The following ACAA1 variants were observed in gnomAD, a reference collection of about 807,000 sequenced individuals.
ACAA1 encodes acetyl-CoA acyltransferase 1.
A neutral mutation model predicts 48.8 loss-of-function variants in ACAA1; 44 were observed. The ratio of observed to expected loss-of-function variants is 0.90; its 90% CI spans 0.71 to 1.16. The LOEUF is 1.16. ACAA1 is among the 50% of genes most tolerant of loss of function. The pLI, the probability that ACAA1 is intolerant of heterozygous loss-of-function variation, is 0.00. For synonymous variants in ACAA1, 233 were observed against 226.5 expected (o/e 1.03, Z -0.26); for missense variants, 512 against 562.3 (o/e 0.91, Z 0.90).
intron 3 of ACAA1, chr3:38,133,361 C>T (rs1205566234): frequency 1.3e-5 from 2 of 152,394 alleles, no homozygotes. Flanking sequence ...TAAACCTCTC[C>T]CAGTTCCTAG....
Position 38,129,528 on chromosome 3 carries a change from G to A in ACAA1, c.447-140C>T. ...ACCAGTGGGCCTCTGGGAGTCACAG[G>A]CAGGGCACTTGGCCAGCAAGGCCCA... On this transcript the variant is annotated intron_variant, in intron 5 of 11. Coordinates refer to ENST00000333167, the MANE Select transcript of ACAA1 (RefSeq NM_001607.4). This position sits in a 1 kb window ranked among gnomAD's most constrained non-coding sequence, Gnocchi z 5.3. 1.5e-6 allele frequency: 1 copy of A among 666,290 alleles called. No homozygotes were observed. Among genetic ancestry groups the A allele is most frequent in the Non-Finnish European group, 2.6e-6 (1 of 391,782 alleles). 41.3% of individuals were successfully genotyped at this position (666,290 alleles called of 1,614,324 possible). A position where few individuals can be genotyped will look rare whatever the true frequency, so the allele number is the denominator to read the frequency against.
chr3:38,126,175 A>G lies in ACAA1; in HGVS notation c.984T>C (p.Ala328=). The G allele has an allele frequency of 1.2e-6, 2 of 1,612,526 alleles. No homozygotes were observed. The highest frequency in any genetic ancestry group is 1.7e-6 in the Non-Finnish European group (2 of 1,179,502). ...GAGCCACCTTACCTGCTTTTTGCAA[A>G]GCTACTGGGATGGCATAGGCAGGTC... ...GIGPAYAIPV[A]LQKAGLTVSD... Residue 328 remains alanine, a synonymous_variant, in exon 9 of 12, where the codon GCT becomes GCC. Transcript: ENST00000333167. This position sits in a 1 kb window ranked among gnomAD's most constrained non-coding sequence, Gnocchi z 4.7.
In ACAA1 at chr3:38,126,335, G is replaced by C; in HGVS notation, c.824C>G (p.Ser275Cys). 1.9e-6 allele frequency: 3 copies of C among 1,613,602 alleles called. No homozygotes were observed. Among genetic ancestry groups the C allele is most frequent in the Non-Finnish European group, 1.7e-6 (2 of 1,179,702 alleles). Residue 275 changes from serine (S) to cysteine (C), a missense_variant, in exon 9 of 12, where the codon TCT (serine) becomes TGT (cysteine). Physicochemically the swap from Ser to Cys is moderately radical, Grantham distance 112 (BLOSUM62 -1). Transcript: ENST00000333167. This position sits in a 1 kb window ranked among gnomAD's most constrained non-coding sequence, Gnocchi z 4.7. ...AGCTGCCCCATCACTCACCTGGCTA[G>C]AGTTTCCTAGGGGCAAACTGTTGGG... ...KKDGSTTAGNSSQVSDGAAAI... is the reference protein window; with the variant it reads ...KKDGSTTAGNCSQVSDGAAAI...
intron 2 of ACAA1, chr3:38,134,236 C>T (rs1700843290): frequency 1.0e-5 from 6 of 579,180 alleles, no homozygotes; most frequent in Admixed American, 6.3e-5. Context: ...CCCACGCTCA[C>T]TTGCCCATGC....
intron 11 of ACAA1, 43 bp downstream of exon 11, chr3:38,125,522 T>C: frequency 6.6e-7 from 1 of 1,509,190 alleles, no homozygotes. Flanking sequence ...TGCCCTAACT[T>C]GGATATCCCC....
chr3:38,136,600 A>G lies in ACAA1; in HGVS notation c.257T>C (p.Ile86Thr), dbSNP rs1166445919. The change falls in exon 2 of 12, where the codon ATC becomes ACC. Residue 86 changes from isoleucine (I) to threonine (T), a missense_variant. Ile to Thr is a moderately conservative substitution (Grantham distance 89). Coordinates refer to ENST00000333167, the MANE Select transcript of ACAA1 (RefSeq NM_001607.4). ...VNLRPEQLGD[I>T]CVGNVLQPGA... is the part of the protein sequence containing the mutation. Reference sequence around the variant, plus strand: ...CTGAGTGGTTCGCTCACCGACACAGATGTCCCCCAGCTGTTCCGGCCTCAG... The same window carrying G: ...CTGAGTGGTTCGCTCACCGACACAGGTGTCCCCCAGCTGTTCCGGCCTCAG... 2 of 1,614,006 alleles carry G rather than the reference A, an allele frequency of 1.2e-6. No homozygotes were observed. The highest frequency in any genetic ancestry group is 1.7e-6 in the Non-Finnish European group (2 of 1,180,002).
Position 38,126,300 on chromosome 3 carries a change from G to T in ACAA1, c.859C>A (p.Leu287Met). Residue 287 changes from leucine (L) to methionine (M), a missense_variant, in exon 9 of 12, where the codon CTG (leucine) becomes ATG (methionine). By Grantham distance (15) the Leu-to-Met change is conservative (BLOSUM62 2). Transcript: ENST00000333167. This position sits in a 1 kb window ranked among gnomAD's most constrained non-coding sequence, Gnocchi z 4.7. Reference sequence around the variant, plus strand: ...TCTTCTGCCTTGGACCTCCGGGCCAGCAGGATGGCAGCTGCCCCATCACTC... The same window carrying T: ...TCTTCTGCCTTGGACCTCCGGGCCATCAGGATGGCAGCTGCCCCATCACTC... Reference protein sequence around the residue: ...QVSDGAAAILLARRSKAEELG... With the variant: ...QVSDGAAAILMARRSKAEELG... 1 of 1,614,144 alleles carries T rather than the reference G, an allele frequency of 6.2e-7. No homozygotes were observed. Among genetic ancestry groups the T allele is most frequent in the Non-Finnish European group, 8.5e-7 (1 of 1,180,008 alleles).
At position 38,136,599 on chromosome 3, in the gene ACAA1, GA is replaced by G; in HGVS notation, c.257del (p.Ile86ThrfsTer22). 1 of 1,614,040 alleles carries G rather than the reference GA, an allele frequency of 6.2e-7. No individual in the cohort carries two copies. ...CCTGAGTGGTTCGCTCACCGACACAGATGTCCCCCAGCTGTTCCGGCCTCAG... is the reference window on the plus strand; with the variant it reads ...CCTGAGTGGTTCGCTCACCGACACAGTGTCCCCCAGCTGTTCCGGCCTCAG... The part of the protein sequence containing the change: ...VNLRPEQLGD[I>X]CVGNVLQPGA... On this transcript the variant is annotated frameshift_variant, in exon 2 of 12. Coordinates refer to ENST00000333167, the MANE Select transcript of ACAA1 (RefSeq NM_001607.4). LOFTEE classifies it high-confidence loss of function.
intron 11 of ACAA1, 102 bp from the exon 12 acceptor site, chr3:38,123,224 C>A: frequency 8.6e-7 from 1 of 1,160,212 alleles, no homozygotes; most frequent in Admixed American, 1.8e-5. Flanking sequence ...GATGCAAAAC[C>A]ATCAGACCAG....
intron 11 of ACAA1, 105 bp from the exon 12 acceptor site, chr3:38,123,227 CA>C (rs1310287987): frequency 2.7e-6 from 3 of 1,115,412 alleles, no homozygotes; most frequent in East Asian, 2.4e-5. Context: ...GCAAAACCAT[CA>C]GACCAGATCT....
chr3:38,134,086 T>TG, intron 2 of ACAA1, 77 bp from the exon 3 acceptor site: 3 of 1,403,854 alleles, frequency 2.1e-6, no homozygotes, highest in Non-Finnish European at 3.0e-6. Context: ...AAACCAGAGA[T>TG]GAGGCATTCC....
intron 2 of ACAA1, among the ~76,000 whole-genome samples, chr3:38,135,719 C>T (rs1485731222): frequency 1.3e-5 from 2 of 152,100 alleles, no homozygotes; most frequent in African/African-American, 2.4e-5. Flanking sequence ...CAAGACATTC[C>T]ATTCCCAGGG....
At position 38,132,012 on chromosome 3, in the gene ACAA1, C is replaced by A; in HGVS notation, c.324-7G>T. The A allele has an allele frequency of 1.9e-6, 3 of 1,611,964 alleles. No individual in the cohort carries two copies. The Middle Eastern group carries it at 5.0e-4, about 266-fold the overall frequency. ...CACAGTCTCCGGGATGTCACTGAAA[C>A]AGAAGGTGAGAAAGTAGAATCAGCC... is the stretch of plus-strand genomic sequence containing the variant. On this transcript the variant is annotated splice_region_variant and splice_polypyrimidine_tract_variant and intron_variant, in intron 3 of 11. Coordinates refer to ENST00000333167, the MANE Select transcript of ACAA1 (RefSeq NM_001607.4).
intron 11 of ACAA1, chr3:38,124,716 T>C (rs1700639514): frequency 6.6e-6 from 1 of 152,250 alleles, no homozygotes; most frequent in Non-Finnish European, 1.5e-5. Flanking sequence ...GCACACCTCT[T>C]TTACTGAGGA....
chr3:38,135,800 C>G (rs534507233), intron 2 of ACAA1, among the ~76,000 whole-genome samples: 1 of 152,310 alleles, frequency 6.6e-6, no homozygotes, highest in East Asian at 1.9e-4. Flanking sequence ...TAATACTCCT[C>G]AGCACCGACC....
rs2229528 is a variant in ACAA1, at chr3:38,125,604, A to G, written c.1160T>C (p.Val387Ala). 0.034 allele frequency: 54,834 copies of G among 1,591,196 alleles called. 1,117 individuals carry two copies. The highest frequency in any genetic ancestry group is 0.042 in the Non-Finnish European group (48,716 of 1,167,896). The part of the protein sequence containing the change: ...HPLGCTGARQ[V>A]ITLLNELKRR... ...CTTCAGCTCATTGAGCAGCGTGATG[A>G]CCTGTCGTGCCCCAGTGCAGCCCAG... Residue 387 changes from valine to alanine, a missense_variant, in exon 11 of 12, where the codon GTC (valine) becomes GCC (alanine). Coordinates refer to ENST00000333167, the MANE Select transcript of ACAA1 (RefSeq NM_001607.4).
At chr3:38,134,849 G>A (rs1019147425) in intron 2 of ACAA1, among the ~76,000 whole-genome samples, 1 of 152,164 alleles carries the variant, frequency 6.6e-6, no homozygotes, top group African/African-American at 2.4e-5. Context: ...CCTGAGATAT[G>A]GCCTCGTGGG....
intron 1 of ACAA1, 54 bp from the exon 2 acceptor site, chr3:38,136,739 G>T: frequency 3.3e-6 from 5 of 1,531,702 alleles, no homozygotes; most frequent in Non-Finnish European, 4.4e-6. Flanking sequence ...CCCACCCCAG[G>T]GAGACAAAGC....
chr3:38,128,094 C>T (rs540940730), intron 6 of ACAA1, among the ~76,000 whole-genome samples: 1 of 152,264 alleles, frequency 6.6e-6, no homozygotes, highest in East Asian at 1.9e-4. Flanking sequence ...TGGCCAGATC[C>T]TGAGAAGCTC....
Sources: allele counts gnomAD v4.1 joint callset (sites outside exome capture counted in the v4.1 genomes callset), GRCh38; gene constraint gnomAD v4.1.1; non-coding constraint Gnocchi (gnomAD v3.1); transcripts MANE v1.5; gene names NCBI Gene and HGNC (gene_info 2026-07-23, HGNC 2026-07-21).